Variants in FRS2 observed in about 807,000 individuals in gnomAD.
FRS2 encodes the protein FGFR signalling adaptor.
FRS2 carries 8 observed loss-of-function variants against 43.9 expected under a neutral mutation model. The ratio of observed to expected loss-of-function variants is 0.18; its 90% CI spans 0.11 to 0.33. The LOEUF is 0.33. Ranked by LOEUF, FRS2 falls within the 10% of genes least tolerant of loss-of-function variation. The probability of loss-of-function intolerance (pLI) is 1.00; values close to 1 mark genes in which losing one functional copy is unlikely to be tolerated. For missense variants in FRS2, 534 were observed against 627.6 expected, an observed-to-expected ratio of 0.85 and a Z score of 1.59; for synonymous variants, 219 against 220.3, an observed-to-expected ratio of 0.99 and a Z score of 0.05.
Position 69,539,236 on chromosome 12 carries a change from G to A in FRS2, c.-122+7180G>A, listed in dbSNP as rs528408433. Among the ~76,000 whole-genome samples the A allele has an allele frequency of 3.9e-5, 6 of 152,118 alleles. No individual in the cohort carries two copies. The East Asian group carries it at 1.2e-3, about 30-fold the overall frequency. On this transcript the variant is annotated intron_variant, in intron 3 of 8. Transcript: ENST00000549921. ...ATTACAGGCACACATCACCATGCCT[G>A]GCAAATTTTTTGTATTTTTAGTAGA...
At position 69,565,929 on chromosome 12, in the gene FRS2, C is replaced by T. The variant is rs140724602; in HGVS notation, c.-26-3076C>T. Among the ~76,000 whole-genome samples, 168 of 152,006 alleles carry T rather than the reference C, an allele frequency of 1.1e-3. 1 individual carries two copies. Among genetic ancestry groups the T allele is most frequent in the African/African-American group, 3.4e-3 (141 of 41,452 alleles). On this transcript the variant is annotated intron_variant, in intron 4 of 8. Transcript: ENST00000549921. The stretch of plus-strand genomic sequence containing the variant: ...AGTCATTTATCATTATCAAGTATTA[C>T]GTACTATACATAATTGAATGTGCTA...
intron 1 of FRS2, among the ~76,000 whole-genome samples, chr12:69,480,712 T>G (rs1346342296): frequency 6.6e-6 from 1 of 152,224 alleles, no homozygotes; most frequent in Admixed American, 6.5e-5. Context: ...CTATCATCCT[T>G]TTTTTGGGTA....
chr12:69,472,831 A>AT (rs1470097031), intron 1 of FRS2, among the ~76,000 whole-genome samples: 3 of 152,048 alleles, frequency 2.0e-5, no homozygotes, highest in African/African-American at 4.8e-5. Flanking sequence ...CATACTAACA[A>AT]TTTTTTTTGT....
chr12:69,519,721 G>A (rs11614279), intron 1 of FRS2, among the ~76,000 whole-genome samples: 55,919 of 151,938 alleles, frequency 0.37, 10,688 homozygotes, highest in South Asian at 0.58. Context: ...ACCTTTTGTT[G>A]CTGCAAAGGA....
intron 3 of FRS2, among the ~76,000 whole-genome samples, chr12:69,539,436 A>G (rs1465300221): frequency 6.6e-6 from 1 of 152,122 alleles, no homozygotes; most frequent in African/African-American, 2.4e-5. Flanking sequence ...TATCTTGGGG[A>G]TGGGACTCAA....
At chr12:69,474,915 T>C (rs1870631537) in intron 1 of FRS2, among the ~76,000 whole-genome samples, 1 of 152,232 alleles carries the variant, frequency 6.6e-6, no homozygotes, top group Admixed American at 6.5e-5. Flanking sequence ...TGGCATTTGA[T>C]TACATATTTT....
chr12:69,521,969 C>T (rs1083011), intron 1 of FRS2, among the ~76,000 whole-genome samples: 57,525 of 151,948 alleles, frequency 0.38, 11,370 homozygotes, highest in South Asian at 0.58. Flanking sequence ...GCCTTTTCTG[C>T]GTCTATTGAA....
chr12:69,482,029 A>G (rs989649199), intron 1 of FRS2, among the ~76,000 whole-genome samples: 1 of 151,332 alleles, frequency 6.6e-6, no homozygotes, highest in African/African-American at 2.4e-5. Flanking sequence ...AACTAAGTGT[A>G]GTAATAATAT....
rs1474974741 is a variant in FRS2 at position 69,579,737 on chromosome 12, T to C, written c.*4782T>C. The C allele has an allele frequency of 6.6e-6, 1 of 152,212 alleles. No homozygotes were observed. The highest frequency in any genetic ancestry group is 1.5e-5 in the Non-Finnish European group (1 of 68,038). 9.4% of individuals were successfully genotyped at this position (152,212 alleles called of 1,614,324 possible). A position where few individuals can be genotyped will look rare whatever the true frequency, so the allele number is the denominator to read the frequency against. ...TTCATGCTCACTTTCCCCTTATTGCTGAAAGTAGATTGCAATAAAACCCCA... is the reference window on the plus strand; with the variant it reads ...TTCATGCTCACTTTCCCCTTATTGCCGAAAGTAGATTGCAATAAAACCCCA... On this transcript the variant is annotated 3_prime_UTR_variant, in exon 9 of 9. Coordinates refer to ENST00000549921, the MANE Select transcript of FRS2 (RefSeq NM_001278356.2).
intron 3 of FRS2, among the ~76,000 whole-genome samples, chr12:69,560,258 A>G (rs1010203250): frequency 1.3e-5 from 2 of 152,184 alleles, no homozygotes; most frequent in African/African-American, 4.8e-5. Flanking sequence ...GTCTTTTAAA[A>G]TGCTATTAAT....
At chr12:69,547,830 CTTTTTTT>C (rs71094722) in intron 3 of FRS2, among the ~76,000 whole-genome samples, 8 of 102,772 alleles carry the variant, frequency 7.8e-5, no homozygotes, top group South Asian at 2.8e-4. Flanking sequence ...TCCATTAATA[CTTTTTTT>C]TTTTTTTTTT....
Position 69,574,120 on chromosome 12 carries a change from A to C in FRS2, c.692A>C (p.Glu231Ala). ...SNAESSTPKEEPSSIEDRDPQ... is the reference protein window; with the variant it reads ...SNAESSTPKEAPSSIEDRDPQ... Reference sequence around the variant, plus strand: ...GCTGAAAGCAGCACACCAAAAGAAGAACCAAGTAGTATTGAGGACAGGGAT... The same window carrying C: ...GCTGAAAGCAGCACACCAAAAGAAGCACCAAGTAGTATTGAGGACAGGGAT... The change falls in exon 9 of 9, where the codon GAA becomes GCA. Residue 231 changes from glutamate to alanine, a missense_variant. Physicochemically the swap from Glu to Ala is moderately radical, Grantham distance 107. This residue lies in a region of FRS2 where 446 missense variants were observed against 494.2 expected (regional missense o/e 0.90). Transcript: ENST00000549921. 1 of 1,614,218 alleles carries C rather than the reference A, an allele frequency of 6.2e-7. No individual in the cohort carries two copies. Among genetic ancestry groups the C allele is most frequent in the Non-Finnish European group, 8.5e-7 (1 of 1,179,990 alleles).
Position 69,477,534 on chromosome 12 carries a change from G to A in FRS2, c.-261+7004G>A, listed in dbSNP as rs1422963496. On this transcript the variant is annotated intron_variant, in intron 1 of 8. Coordinates refer to ENST00000549921, the MANE Select transcript of FRS2 (RefSeq NM_001278356.2). The stretch of plus-strand genomic sequence containing the variant: ...CCTGACCTCGTGATCTGCCTGCCTC[G>A]GCCTCCCAAAGTGCTGGGATTACAG... 7.3e-5 allele frequency among the ~76,000 whole-genome samples: 11 copies of A among 150,834 alleles called. No homozygotes were observed. The East Asian group carries it at 9.8e-4, about 13-fold the overall frequency.
At chr12:69,519,308 A>G (rs577813356) in intron 1 of FRS2, among the ~76,000 whole-genome samples, 72 of 152,330 alleles carry the variant, frequency 4.7e-4, no homozygotes, top group Non-Finnish European at 5.4e-4. Flanking sequence ...TTGCATTAAA[A>G]TTCATGAAAA....
chr12:69,484,272 G>T (rs551759699), intron 1 of FRS2, among the ~76,000 whole-genome samples: 1 of 151,992 alleles, frequency 6.6e-6, no homozygotes, highest in Non-Finnish European at 1.5e-5. Flanking sequence ...TTTTAGTAGA[G>T]GTGGGGTTTC....
chr12:69,501,275 G>C (rs1361632811), intron 1 of FRS2, among the ~76,000 whole-genome samples: 1 of 151,844 alleles, frequency 6.6e-6, no homozygotes, highest in Non-Finnish European at 1.5e-5. Flanking sequence ...TAGTGTAATT[G>C]CCAGGACACA....
Position 69,498,279 on chromosome 12 carries a change from T to C in FRS2, c.-261+27749T>C, listed in dbSNP as rs566001577. On this transcript the variant is annotated intron_variant, in intron 1 of 8. Transcript: ENST00000549921. ...ATCTATTCTATACAAGGAATTAATG[T>C]ATCAAGGGATAAAAGTATAAGGCAC... 1.1e-4 allele frequency among the ~76,000 whole-genome samples: 16 copies of C among 152,298 alleles called. No individual in the cohort carries two copies. The East Asian group carries it at 2.9e-3, about 27-fold the overall frequency.
chr12:69,538,223 A>ATATATATATATATATATATATATG (rs1194377826), intron 3 of FRS2, among the ~76,000 whole-genome samples: 14 of 100,174 alleles, frequency 1.4e-4, no homozygotes, highest in African/African-American at 2.6e-4. Context: ...ATATATATAT[A>ATATATATATATATATATATATATG]GCATTGCAGA....
chr12:69,472,959 A>C (rs1323447641), intron 1 of FRS2, among the ~76,000 whole-genome samples: 3 of 152,254 alleles, frequency 2.0e-5, no homozygotes, highest in African/African-American at 7.2e-5. Flanking sequence ...CTAGAAGGGG[A>C]TATAAGATTT....
Sources: allele counts gnomAD v4.1 joint callset (sites outside exome capture counted in the v4.1 genomes callset), GRCh38; gene constraint gnomAD v4.1.1; regional missense constraint gnomAD v4.1.1; transcripts MANE v1.5; gene names NCBI Gene and HGNC (gene_info 2026-07-23, HGNC 2026-07-21).